PCDHA1: variants seen among roughly 807,000 people sequenced by gnomAD.
The protein encoded by PCDHA1 is protocadherin alpha-1.
A neutral mutation model predicts 61.3 loss-of-function variants in PCDHA1; 42 were observed. That is an observed-to-expected ratio of 0.69 (90% confidence interval 0.54 to 0.89). PCDHA1 has a LOEUF of 0.89. PCDHA1 is among the 40% of genes least tolerant of loss of function. PCDHA1 has a pLI of 0.00. For missense variants in PCDHA1, 1,256 were observed against 1,235.3 expected (o/e 1.02, Z -0.25); for synonymous variants, 610 against 553.8 (o/e 1.10, Z -1.43).
At chr5:140,856,077 T>A in intron 1 of PCDHA1, 1 of 1,593,712 alleles carries the variant, frequency 6.3e-7, no homozygotes, top group South Asian at 1.1e-5. Flanking sequence ...TGCCTGGGGG[T>A]CCAGTGTCTG....
At chr5:140,842,168 A>G (rs2150330845) in intron 1 of PCDHA1, 2 of 1,613,900 alleles carry the variant, frequency 1.2e-6, no homozygotes, top group Non-Finnish European at 1.7e-6. Context: ...TTCTTTTAAT[A>G]GCCTTGTTGA....
Position 140,787,429 on chromosome 5 carries a change from G to C in PCDHA1, c.1139G>C (p.Gly380Ala), listed in dbSNP as rs201795507. Residue 380 changes from glycine (G) to alanine (A), a missense_variant, in exon 1 of 4, where the codon GGT (glycine) becomes GCT (alanine). Coordinates refer to ENST00000504120, the MANE Select transcript of PCDHA1 (RefSeq NM_018900.4). ...ATCACCGTGTCTGACCGTGACTCAG[G>C]TGCCAACGGGCAGGTGACTTGCTCC... ...ALITVSDRDS[G>A]ANGQVTCSLM... 232 of 1,614,106 alleles carry C rather than the reference G, an allele frequency of 1.4e-4. No individual in the cohort carries two copies. The highest frequency in any genetic ancestry group is 1.0e-3 in the South Asian group (91 of 91,088).
intron 3 of PCDHA1, among the ~76,000 whole-genome samples, chr5:141,002,815 T>G (rs1554258803): frequency 6.6e-6 from 1 of 152,176 alleles, no homozygotes; most frequent in African/African-American, 2.4e-5. Flanking sequence ...GGCTCAGAGA[T>G]ATTTATGTAA....
At chr5:140,978,499 T>A (rs1178288273) in intron 1 of PCDHA1, among the ~76,000 whole-genome samples, 1 of 152,238 alleles carries the variant, frequency 6.6e-6, no homozygotes, top group African/African-American at 2.4e-5. Flanking sequence ...AGCAGCAGAT[T>A]GCAGTCCTCT....
intron 1 of PCDHA1, among the ~76,000 whole-genome samples, chr5:140,794,382 G>C (rs1761854483): frequency 6.6e-6 from 1 of 152,208 alleles, no homozygotes; most frequent in South Asian, 2.1e-4. Context: ...AAATAGGCCA[G>C]TCACAAAAAG....
Position 141,010,486 on chromosome 5 carries a change from A to C in PCDHA1, c.*549A>C. 1 of 674,072 alleles carries C rather than the reference A, an allele frequency of 1.5e-6. No individual in the cohort carries two copies. Among genetic ancestry groups the C allele is most frequent in the Non-Finnish European group, 2.3e-6 (1 of 434,544 alleles). The allele number at this position is 674,072 out of a possible 1,614,324, so 41.8% of individuals were successfully genotyped here. On this transcript the variant is annotated 3_prime_UTR_variant, in exon 4 of 4. Transcript: ENST00000504120. ...GTATGGAGGGGAAGTGTAAACTTAAAGGGACCAGACTTTCTAAATCTTACA... is the reference window on the plus strand; with the variant it reads ...GTATGGAGGGGAAGTGTAAACTTAACGGGACCAGACTTTCTAAATCTTACA...
chr5:140,859,450 G>T, intron 1 of PCDHA1: 1 of 220,914 alleles, frequency 4.5e-6, no homozygotes, highest in Non-Finnish European at 8.7e-6. Context: ...TAGTTGCAGA[G>T]TGACAAAACT....
At position 140,786,503 on chromosome 5, in the gene PCDHA1, C is replaced by T. The variant is rs1562127915; in HGVS notation, c.213C>T (p.His71=). The T allele has an allele frequency of 6.2e-7, 1 of 1,613,852 alleles. No homozygotes were observed. The highest frequency in any genetic ancestry group is 8.5e-7 in the Non-Finnish European group (1 of 1,180,050). The part of the protein sequence containing the change: ...PRLFRVASKT[H]RDLLEVNLQN... ...TGTTCCGGGTGGCGTCCAAAACACA[C>T]AGGGACCTTCTGGAGGTAAATCTGC... Residue 71 remains histidine, a synonymous_variant, in exon 1 of 4, where the codon CAC becomes CAT. Coordinates refer to ENST00000504120, the MANE Select transcript of PCDHA1 (RefSeq NM_018900.4).
At chr5:141,009,584 AT>A in intron 3 of PCDHA1, 42 bp from the exon 4 acceptor site, 1 of 1,592,004 alleles carries the variant, frequency 6.3e-7, no homozygotes, top group Non-Finnish European at 8.6e-7. Flanking sequence ...CATCAAGAGC[AT>A]GTGTTGACCC....
chr5:140,996,135 C>T (rs2097713564), intron 3 of PCDHA1, among the ~76,000 whole-genome samples: 1 of 152,140 alleles, frequency 6.6e-6, no homozygotes, highest in Non-Finnish European at 1.5e-5. Flanking sequence ...AGAGGGTTCT[C>T]CCATTATCTT....
intron 1 of PCDHA1, among the ~76,000 whole-genome samples, chr5:140,827,760 T>C (rs1554130877): frequency 6.6e-6 from 1 of 152,232 alleles, no homozygotes; most frequent in Non-Finnish European, 1.5e-5. Context: ...TACTTTAAAT[T>C]AATAAAAGAA....
intron 1 of PCDHA1, chr5:140,870,178 C>T (rs2051730547): frequency 2.5e-6 from 4 of 1,614,094 alleles, no homozygotes; most frequent in East Asian, 2.2e-5. Context: ...CCTCCCAGTA[C>T]GAGAGGACGC....
rs2150363353 is a variant in PCDHA1 at position 140,843,609 on chromosome 5, G to A, written c.2394+54925G>A. The A allele has an allele frequency of 1.3e-6, 2 of 1,596,016 alleles. No homozygotes were observed. Among genetic ancestry groups the A allele is most frequent in the Non-Finnish European group, 1.7e-6 (2 of 1,165,520 alleles). ...CCGCAGAGGGTGTGCTCTGGTGAGGGGCCACCGAAGACGGACCTCATGGCC... is the reference window on the plus strand; with the variant it reads ...CCGCAGAGGGTGTGCTCTGGTGAGGAGCCACCGAAGACGGACCTCATGGCC... On this transcript the variant is annotated intron_variant, in intron 1 of 3. Transcript: ENST00000504120.
chr5:140,967,044 A>G, intron 1 of PCDHA1: 3 of 1,612,116 alleles, frequency 1.9e-6, no homozygotes, highest in Non-Finnish European at 2.5e-6. Context: ...CTGGAGCTGG[A>G]CCTGACGAGT....
chr5:140,952,338 C>CA (rs55931446), intron 1 of PCDHA1, among the ~76,000 whole-genome samples: 315 of 135,024 alleles, frequency 2.3e-3, no homozygotes, highest in East Asian at 0.011. Context: ...AACTCCATCT[C>CA]AAAAAAAAAA....
intron 1 of PCDHA1, chr5:140,856,273 G>A (rs1554148468): frequency 6.3e-7 from 1 of 1,598,340 alleles, no homozygotes; most frequent in Admixed American, 1.7e-5. Context: ...ACCTTCTGGA[G>A]GTAAATCTGC....
intron 1 of PCDHA1, chr5:140,821,411 G>A (rs966320829): frequency 1.1e-5 from 2 of 178,732 alleles, no homozygotes; most frequent in Non-Finnish European, 2.4e-5. Context: ...TTAAGATAGA[G>A]TTTAATGATA....
intron 1 of PCDHA1, among the ~76,000 whole-genome samples, chr5:140,839,552 A>G (rs2150298794): frequency 0.059 from 9,014 of 151,912 alleles, 957 homozygotes; most frequent in African/African-American, 0.21. Flanking sequence ...ACCATGCCCA[A>G]CTAATTTTTG....
intron 3 of PCDHA1, among the ~76,000 whole-genome samples, chr5:141,009,392 G>A (rs1016452113): frequency 2.6e-5 from 4 of 152,184 alleles, no homozygotes; most frequent in Non-Finnish European, 4.4e-5. Flanking sequence ...ACAGGAGGTC[G>A]AGGCTGCAGT....
Sources: allele counts gnomAD v4.1 joint callset (sites outside exome capture counted in the v4.1 genomes callset), GRCh38; gene constraint gnomAD v4.1.1; transcripts MANE v1.5; gene names NCBI Gene and HGNC (gene_info 2026-07-23, HGNC 2026-07-21).